Variants in CSGALNACT1 observed in about 807,000 individuals in gnomAD.
The protein encoded by CSGALNACT1 is beta4GalNAcT-1.
CSGALNACT1 carries 52 observed loss-of-function variants against 51.0 expected under a neutral mutation model. The observed-to-expected ratio is 1.02, with a 90% CI of 0.82 to 1.29. The LOEUF is 1.29. Among genes scored for constraint, CSGALNACT1 ranks in the 50% most tolerant of loss-of-function variants. The probability of loss-of-function intolerance (pLI) is 0.00; values close to 1 mark genes in which losing one functional copy is unlikely to be tolerated. For synonymous variants in CSGALNACT1, 341 were observed against 254.4 expected, an observed-to-expected ratio of 1.34 and a Z score of -3.24; for missense variants, 935 against 679.2, an observed-to-expected ratio of 1.38 and a Z score of -4.19.
chr8:19,446,870 A>G (rs2062214289), intron 5 of CSGALNACT1, among the ~76,000 whole-genome samples: 6 of 152,200 alleles, frequency 3.9e-5, no homozygotes, highest in Non-Finnish European at 8.8e-5. Context: ...TTCTTAAAAC[A>G]ACAACAAAAA....
intron 1 of CSGALNACT1, among the ~76,000 whole-genome samples, chr8:19,638,696 G>A (rs1032450240): frequency 5.3e-5 from 8 of 151,762 alleles, no homozygotes; most frequent in African/African-American, 1.7e-4. Context: ...AGAACAGAAC[G>A]GGAATAGAAT....
At chr8:19,522,762 A>C (rs4922054) in intron 3 of CSGALNACT1, among the ~76,000 whole-genome samples, 20,753 of 152,218 alleles carry the variant, frequency 0.14, 1,640 homozygotes, top group Non-Finnish European at 0.18. Context: ...TTTAAATTGC[A>C]ATTTTCCAGT....
intron 1 of CSGALNACT1, among the ~76,000 whole-genome samples, chr8:19,667,039 GGAA>G (rs2059409286): frequency 3.5e-4 from 14 of 39,952 alleles, no homozygotes; most frequent in African/African-American, 1.3e-3. Context: ...AAGGAAGGAA[GGAA>G]GAAAGAAAGA....
At chr8:19,574,263 C>T (rs2043660787) in intron 3 of CSGALNACT1, among the ~76,000 whole-genome samples, 2 of 152,166 alleles carry the variant, frequency 1.3e-5, no homozygotes, top group Admixed American at 1.3e-4. Flanking sequence ...CTACTGGGGA[C>T]TTGGAGATTC....
At chr8:19,408,186 C>T (rs1395022528) in intron 9 of CSGALNACT1, among the ~76,000 whole-genome samples, 3 of 152,056 alleles carry the variant, frequency 2.0e-5, no homozygotes, top group Non-Finnish European at 4.4e-5. Flanking sequence ...AATAAGCAGC[C>T]TTTAATCTCA....
intron 6 of CSGALNACT1, among the ~76,000 whole-genome samples, chr8:19,428,823 ATATGTGTGTG>A (rs1394434716): frequency 7.8e-5 from 4 of 51,248 alleles, no homozygotes; most frequent in South Asian, 7.6e-4. Flanking sequence ...ATAAGACATG[ATATGTGTGTG>A]TGTGTGTGTG....
intron 1 of CSGALNACT1, among the ~76,000 whole-genome samples, chr8:19,718,237 G>T (rs544014187): frequency 6.4e-4 from 97 of 152,218 alleles, no homozygotes; most frequent in African/African-American, 2.3e-3. Flanking sequence ...GGGATTACAG[G>T]TGCCTGCTGC....
intron 1 of CSGALNACT1, among the ~76,000 whole-genome samples, chr8:19,624,558 A>G (rs1272732482): frequency 6.6e-6 from 1 of 152,190 alleles, no homozygotes; most frequent in Admixed American, 6.5e-5. Flanking sequence ...TTAAAACAAC[A>G]AAGCTTTAGT....
At chr8:19,552,847 C>T (rs1024256871) in intron 3 of CSGALNACT1, among the ~76,000 whole-genome samples, 3 of 152,126 alleles carry the variant, frequency 2.0e-5, no homozygotes, top group African/African-American at 4.8e-5. Context: ...CATTCACCCT[C>T]CCAAGTGAAC....
chr8:19,456,403 A>T (rs1273310695), intron 5 of CSGALNACT1, among the ~76,000 whole-genome samples: 2 of 152,200 alleles, frequency 1.3e-5, no homozygotes, highest in Non-Finnish European at 1.5e-5. Context: ...TTCTTTGCCA[A>T]ATGAACTTGC....
At chr8:19,492,688 C>CCACAGGCCCGTA (rs2074614305) in intron 4 of CSGALNACT1, among the ~76,000 whole-genome samples, 3 of 152,012 alleles carry the variant, frequency 2.0e-5, no homozygotes, top group Non-Finnish European at 2.9e-5. Context: ...TGCTGGTCCA[C>CCACAGGCCCGTA]GCCACTGGCC....
intron 2 of CSGALNACT1, among the ~76,000 whole-genome samples, chr8:19,599,027 G>C (rs35101845): frequency 6.6e-6 from 1 of 152,054 alleles, no homozygotes; most frequent in African/African-American, 2.4e-5. Flanking sequence ...TAGGTAGAGA[G>C]AGTGTGGACA....
intron 4 of CSGALNACT1, among the ~76,000 whole-genome samples, chr8:19,497,790 T>G (rs763384657): frequency 2.3e-4 from 35 of 152,176 alleles, no homozygotes; most frequent in East Asian, 7.7e-4. Flanking sequence ...CCCTAATGTA[T>G]TCAAAGTCAC....
At chr8:19,651,286 G>A (rs528924861) in intron 1 of CSGALNACT1, among the ~76,000 whole-genome samples, 33 of 151,880 alleles carry the variant, frequency 2.2e-4, no homozygotes, top group Admixed American at 1.6e-3. Flanking sequence ...TTTATTTTAG[G>A]TTCAGGGGTA....
intron 1 of CSGALNACT1, among the ~76,000 whole-genome samples, chr8:19,664,207 G>C (rs1159996250): frequency 2.0e-5 from 3 of 152,118 alleles, no homozygotes; most frequent in Non-Finnish European, 2.9e-5. Flanking sequence ...TGTAAATCTA[G>C]GAATGGAATT....
At chr8:19,485,822 A>G (rs1407080252) in intron 4 of CSGALNACT1, among the ~76,000 whole-genome samples, 1 of 120,610 alleles carries the variant, frequency 8.3e-6, no homozygotes, top group Non-Finnish European at 1.6e-5. Flanking sequence ...GCTGAAGTAC[A>G]ATGGCATGAT....
chr8:19,498,988 C>CCATGGAGT, intron 4 of CSGALNACT1, among the ~76,000 whole-genome samples: 1 of 152,112 alleles, frequency 6.6e-6, no homozygotes, highest in East Asian at 1.9e-4. Context: ...TGGTGGTACA[C>CCATGGAGT]ACCTGTAGCC....
upstream of CSGALNACT1, among the ~76,000 whole-genome samples, chr8:19,683,976 C>A (rs2060816255): frequency 6.6e-6 from 1 of 151,988 alleles, no homozygotes; most frequent in African/African-American, 2.4e-5. Context: ...AACCAACATC[C>A]CCAACATGGT....
At chr8:19,443,776 C>T (rs1308795250) in intron 5 of CSGALNACT1, among the ~76,000 whole-genome samples, 1 of 152,136 alleles carries the variant, frequency 6.6e-6, no homozygotes, top group South Asian at 2.1e-4. Context: ...TCCAGAAACC[C>T]CCTGGGGATA....
Sources: gnomAD v4.1 joint callset for allele counts (sites outside exome capture counted in the v4.1 genomes callset) on GRCh38, gnomAD v4.1.1 for gene constraint, MANE v1.5 for transcripts, NCBI Gene and HGNC (gene_info 2026-07-23, HGNC 2026-07-21) for gene names.